The following TGIF2 variants were observed in gnomAD, a reference collection of about 807,000 sequenced individuals.
TGIF2 encodes TGFB induced factor homeobox 2.
In TGIF2, 5 loss-of-function variants were observed where a neutral mutation model predicts 15.1. The ratio of observed to expected loss-of-function variants is 0.33; its 90% CI spans 0.17 to 0.70. The LOEUF (loss-of-function observed/expected upper bound fraction) is 0.70, where lower values mean the gene tolerates loss of function less well. TGIF2 is among the 30% of genes least tolerant of loss of function. The pLI is 0.67. For missense variants in TGIF2, 264 were observed against 302.5 expected (o/e 0.87, Z 0.94); for synonymous variants, 131 against 128.9 (o/e 1.02, Z -0.11).
At chr20:36,588,543 A>AG (rs1288766341) in intron 2 of TGIF2, among the ~76,000 whole-genome samples, 2 of 151,708 alleles carry the variant, frequency 1.3e-5, no homozygotes, top group Non-Finnish European at 1.5e-5. Context: ...TCCTCTCTTT[A>AG]GGGTTTTCCC....
chr20:36,583,134 GC>G (rs1738570257), intron 2 of TGIF2, among the ~76,000 whole-genome samples: 2 of 151,792 alleles, frequency 1.3e-5, no homozygotes. Flanking sequence ...TACAAAAATA[GC>G]CGGGCATGGT....
chr20:36,588,872 C>T (rs959546664), intron 2 of TGIF2, among the ~76,000 whole-genome samples: 3 of 152,198 alleles, frequency 2.0e-5, no homozygotes, highest in Non-Finnish European at 2.9e-5. Flanking sequence ...ACCGTTTAGA[C>T]CACTTAATGG....
At chr20:36,576,893 T>TG (rs1380985460) in intron 1 of TGIF2, among the ~76,000 whole-genome samples, 1 of 152,168 alleles carries the variant, frequency 6.6e-6, no homozygotes, top group Non-Finnish European at 1.5e-5. Flanking sequence ...TTTGTAGAGA[T>TG]GGGGTTTCAC....
At chr20:36,582,484 G>T (rs1221438237) in intron 2 of TGIF2, among the ~76,000 whole-genome samples, 2 of 152,176 alleles carry the variant, frequency 1.3e-5, no homozygotes, top group African/African-American at 4.8e-5. Context: ...GTGGTGCTTT[G>T]CTGACTGCAC....
intron 2 of TGIF2, among the ~76,000 whole-genome samples, chr20:36,586,242 C>T (rs2038655961): frequency 6.6e-6 from 1 of 152,176 alleles, no homozygotes; most frequent in African/African-American, 2.4e-5. Flanking sequence ...AAATAAAGGG[C>T]TTGGCCTGCA....
At chr20:36,575,513 A>G (rs530912171) in intron 1 of TGIF2, among the ~76,000 whole-genome samples, 1 of 152,248 alleles carries the variant, frequency 6.6e-6, no homozygotes, top group African/African-American at 2.4e-5. Flanking sequence ...GCCACCTAGA[A>G]ATGGCTGTCT....
At chr20:36,576,712 C>T (rs947873569) in intron 1 of TGIF2, among the ~76,000 whole-genome samples, 5 of 151,872 alleles carry the variant, frequency 3.3e-5, no homozygotes, top group South Asian at 2.1e-4. Flanking sequence ...GACTTTTTTG[C>T]GGGGGGATAG....
At chr20:36,590,217 A>G (rs946892242) in intron 2 of TGIF2, among the ~76,000 whole-genome samples, 4 of 152,186 alleles carry the variant, frequency 2.6e-5, no homozygotes, top group Non-Finnish European at 2.9e-5. Context: ...TCGGCCTCCC[A>G]AAGTGCTGGA....
chr20:36,586,696 C>A (rs993368034), intron 2 of TGIF2, among the ~76,000 whole-genome samples: 5 of 142,082 alleles, frequency 3.5e-5, no homozygotes, highest in East Asian at 2.1e-4. Flanking sequence ...CTCCATTTCC[C>A]CCCCCCCAAA....
intron 2 of TGIF2, among the ~76,000 whole-genome samples, chr20:36,586,162 A>C (rs1477916625): frequency 6.6e-6 from 1 of 151,876 alleles, no homozygotes; most frequent in African/African-American, 2.4e-5. Flanking sequence ...GGCAACTTCT[A>C]TTTTTCCCCA....
At chr20:36,586,714 A>G (rs1313895576) in intron 2 of TGIF2, among the ~76,000 whole-genome samples, 1 of 141,942 alleles carries the variant, frequency 7.0e-6, no homozygotes, top group East Asian at 2.3e-4. Context: ...AAAAAAAAAA[A>G]TCTCCCCTAA....
intron 2 of TGIF2, among the ~76,000 whole-genome samples, chr20:36,580,614 C>A (rs992641876): frequency 6.6e-6 from 1 of 151,658 alleles, no homozygotes; most frequent in Non-Finnish European, 1.5e-5. Context: ...GAGTTTGAGA[C>A]CAGCCTGGGC....
chr20:36,586,805 G>T (rs1162919678), intron 2 of TGIF2, among the ~76,000 whole-genome samples: 3 of 151,320 alleles, frequency 2.0e-5, no homozygotes, highest in African/African-American at 7.3e-5. Context: ...CATGATGTTT[G>T]GGAAAGGCGC....
intron 2 of TGIF2, among the ~76,000 whole-genome samples, chr20:36,589,153 A>G (rs932993364): frequency 1.2e-4 from 19 of 152,132 alleles, no homozygotes; most frequent in African/African-American, 4.3e-4. Flanking sequence ...TCTTATCTTT[A>G]TAATGCCCCC....
intron 2 of TGIF2, among the ~76,000 whole-genome samples, chr20:36,585,415 A>G (rs1331331227): frequency 6.6e-6 from 1 of 150,582 alleles, no homozygotes; most frequent in Non-Finnish European, 1.5e-5. Context: ...CAGGGAGCCA[A>G]GATCATGCCA....
Position 36,592,298 on chromosome 20 carries a change from A to G in TGIF2, c.*867A>G, listed in dbSNP as rs1020920179. 2.0e-5 allele frequency: 3 copies of G among 152,248 alleles called. No individual in the cohort carries two copies. The allele number at this position is 152,248 out of a possible 1,614,324, so 9.4% of individuals were successfully genotyped here. On this transcript the variant is annotated 3_prime_UTR_variant, in exon 3 of 3. Coordinates refer to ENST00000373872, the MANE Select transcript of TGIF2 (RefSeq NM_021809.7). ...TTCTAGGCACCTAGCAGAGAAAGAT[A>G]AGATCAAAAGGTGTTTGGTTTTTCT...
At chr20:36,580,592 G>T (rs536912741) in intron 2 of TGIF2, among the ~76,000 whole-genome samples, 1 of 151,528 alleles carries the variant, frequency 6.6e-6, no homozygotes, top group Admixed American at 6.6e-5. Context: ...TAGGAGGATC[G>T]CATGCGCCCA....
At position 36,591,427 on chromosome 20, in the gene TGIF2, A is replaced by T; in HGVS notation, c.710A>T (p.Gln237Leu). Residue 237 changes from glutamine to leucine, a missense_variant, in exon 3 of 3, where the codon CAG becomes CTG. Transcript: ENST00000373872. This position sits in a 1 kb window ranked among gnomAD's most constrained non-coding sequence, Gnocchi z 5.3. ...ATCCCTTTAGTCTCTGAAAATCCCC[A>T]GTAGGCATCTGCCAAGAAGGGTGCT... is the stretch of plus-strand genomic sequence containing the variant. ...TPIPLVSENP[Q>L] 1 of 1,603,050 alleles carries T rather than the reference A, an allele frequency of 6.2e-7. No individual in the cohort carries two copies. The highest frequency in any genetic ancestry group is 8.5e-7 in the Non-Finnish European group (1 of 1,172,142).
chr20:36,578,488 C>T (rs78356785), intron 1 of TGIF2, among the ~76,000 whole-genome samples: 2,567 of 152,116 alleles, frequency 0.017, 82 homozygotes, highest in African/African-American at 0.059. Context: ...TCAGTAGAAG[C>T]TGTAATTGTT....
Sources: allele counts gnomAD v4.1 joint callset (sites outside exome capture counted in the v4.1 genomes callset), GRCh38; gene constraint gnomAD v4.1.1; non-coding constraint Gnocchi (gnomAD v3.1); transcripts MANE v1.5; gene names NCBI Gene and HGNC (gene_info 2026-07-23, HGNC 2026-07-21).